Variants in CNTN4 observed in about 807,000 individuals in gnomAD.
CNTN4 encodes the protein contactin 4.
A neutral mutation model predicts 122.5 loss-of-function variants in CNTN4; 77 were observed. The ratio of observed to expected loss-of-function variants is 0.63; its 90% CI spans 0.52 to 0.76. The LOEUF is 0.76. CNTN4 is among the 30% of genes least tolerant of loss of function. CNTN4 has a pLI of 0.00. For missense variants in CNTN4, 1,256 were observed against 1,259.1 expected (o/e 1.00, Z 0.04); for synonymous variants, 512 against 447.0 (o/e 1.15, Z -1.83).
chr3:2,929,803 C>T (rs2094504297), intron 13 of CNTN4, among the ~76,000 whole-genome samples: 1 of 152,184 alleles, frequency 6.6e-6, no homozygotes, highest in South Asian at 2.1e-4. Flanking sequence ...CATGGGGAAG[C>T]CCATCTCAAA....
intron 8 of CNTN4, chr3:2,882,827 TG>T: frequency 3.4e-6 from 1 of 291,296 alleles, no homozygotes; most frequent in South Asian, 3.6e-5. Context: ...TTAATTTTCC[TG>T]ATGACTAGCA....
chr3:2,458,481 A>C (rs1423830400), intron 3 of CNTN4, among the ~76,000 whole-genome samples: 1 of 152,180 alleles, frequency 6.6e-6, no homozygotes, highest in Non-Finnish European at 1.5e-5. Flanking sequence ...GAGTTTTCAT[A>C]TCTTCATTAA....
At chr3:3,024,801 C>T (rs752832461) in intron 14 of CNTN4, among the ~76,000 whole-genome samples, 4 of 152,146 alleles carry the variant, frequency 2.6e-5, no homozygotes, top group Non-Finnish European at 2.9e-5. Context: ...GTAAGACTCA[C>T]AAAAATTCTC....
intron 2 of CNTN4, among the ~76,000 whole-genome samples, chr3:2,291,545 G>A (rs1291626953): frequency 6.6e-6 from 1 of 151,954 alleles, no homozygotes; most frequent in African/African-American, 2.4e-5. Context: ...TTGAATGCAT[G>A]CTAGCTTTTT....
intron 3 of CNTN4, among the ~76,000 whole-genome samples, chr3:2,407,035 G>A (rs1453546285): frequency 6.6e-6 from 1 of 152,082 alleles, no homozygotes; most frequent in African/African-American, 2.4e-5. Flanking sequence ...TTTACATGAA[G>A]CAGATATTAA....
intron 4 of CNTN4, among the ~76,000 whole-genome samples, chr3:2,649,030 A>G (rs543077194): frequency 2.6e-5 from 4 of 152,200 alleles, no homozygotes; most frequent in African/African-American, 4.8e-5. Context: ...ATTCTCTTCA[A>G]TTCTGTGAAG....
chr3:2,725,846 T>G (rs1425181813), intron 4 of CNTN4, among the ~76,000 whole-genome samples: 2 of 152,100 alleles, frequency 1.3e-5, no homozygotes, highest in African/African-American at 4.8e-5. Flanking sequence ...CAAAAAGAAA[T>G]AAGAATAGAA....
At chr3:2,404,891 G>A (rs1307222388) in intron 3 of CNTN4, among the ~76,000 whole-genome samples, 1 of 151,936 alleles carries the variant, frequency 6.6e-6, no homozygotes, top group Non-Finnish European at 1.5e-5. Context: ...TTATTCTTAT[G>A]GCATCTGAAT....
At position 2,300,210 on chromosome 3, in the gene CNTN4, A is replaced by C. The variant is rs544168638; in HGVS notation, c.-144-38968A>C. ...AATGTTAGACAGAGTGAATTGAATA[A>C]CTTTTCTTAGGATTTAGCTCATTTT... On this transcript the variant is annotated intron_variant, in intron 2 of 24. Coordinates refer to ENST00000418658, the MANE Select transcript of CNTN4 (RefSeq NM_175607.3). Among the ~76,000 whole-genome samples, 16 of 152,290 alleles carry C rather than the reference A, an allele frequency of 1.1e-4. No individual in the cohort carries two copies. In the South Asian group the frequency reaches 2.9e-3, roughly 28 times the overall value.
intron 2 of CNTN4, among the ~76,000 whole-genome samples, chr3:2,152,295 C>T (rs188762249): frequency 3.9e-5 from 6 of 152,232 alleles, no homozygotes; most frequent in Admixed American, 2.6e-4. Context: ...ATGAGTGAGG[C>T]GGAGAAGAGG....
chr3:2,580,453 C>A (rs994761609), intron 4 of CNTN4, among the ~76,000 whole-genome samples: 4 of 152,072 alleles, frequency 2.6e-5, no homozygotes, highest in African/African-American at 7.2e-5. Context: ...TTTGCAACAA[C>A]AACTAACATA....
At chr3:2,847,080 C>A (rs960591610) in intron 7 of CNTN4, among the ~76,000 whole-genome samples, 1 of 152,010 alleles carries the variant, frequency 6.6e-6, no homozygotes, top group African/African-American at 2.4e-5. Context: ...AGCTTGTTGA[C>A]CACAGTTCCC....
chr3:2,152,219 A>G (rs1434698980), intron 2 of CNTN4, among the ~76,000 whole-genome samples: 5 of 152,160 alleles, frequency 3.3e-5, no homozygotes. Flanking sequence ...GCCGTAAGGT[A>G]GCAGTAGGCC....
chr3:2,765,124 T>C (rs2090788474), intron 6 of CNTN4, among the ~76,000 whole-genome samples: 1 of 152,250 alleles, frequency 6.6e-6, no homozygotes, highest in Non-Finnish European at 1.5e-5. Context: ...CTAAATGCCG[T>C]ACTGTCAACT....
intron 7 of CNTN4, chr3:2,866,310 T>C (rs1577092894): frequency 5.1e-6 from 1 of 197,226 alleles, no homozygotes; most frequent in Non-Finnish European, 1.0e-5. Flanking sequence ...TGGGGCATTA[T>C]GATGTAATAT....
chr3:2,962,275 C>CTTTTA (rs1428048215), intron 13 of CNTN4, among the ~76,000 whole-genome samples: 2 of 152,158 alleles, frequency 1.3e-5, no homozygotes, highest in African/African-American at 4.8e-5. Flanking sequence ...ACTTTTAAGC[C>CTTTTA]AGACGCCTGG....
chr3:2,451,753 T>C (rs1378774220), intron 3 of CNTN4, among the ~76,000 whole-genome samples: 1 of 152,190 alleles, frequency 6.6e-6, no homozygotes, highest in African/African-American at 2.4e-5. Flanking sequence ...CCTTCATTAT[T>C]GTATCCTGAT....
intron 2 of CNTN4, among the ~76,000 whole-genome samples, chr3:2,154,920 T>C (rs2035653784): frequency 6.6e-6 from 1 of 152,222 alleles, no homozygotes; most frequent in African/African-American, 2.4e-5. Flanking sequence ...AAAAAAGTGC[T>C]GCTCATGGTA....
intron 13 of CNTN4, among the ~76,000 whole-genome samples, chr3:2,947,627 G>C (rs1014918085): frequency 1.3e-5 from 2 of 151,950 alleles, no homozygotes; most frequent in African/African-American, 4.8e-5. Context: ...TTGGTTTTTT[G>C]TTTTTCTTTT....
Sources: gnomAD v4.1 joint callset for allele counts (sites outside exome capture counted in the v4.1 genomes callset) on GRCh38, gnomAD v4.1.1 for gene constraint, MANE v1.5 for transcripts, NCBI Gene and HGNC (gene_info 2026-07-23, HGNC 2026-07-21) for gene names.